Variants in ANXA8 observed in about 807,000 individuals in gnomAD.
ANXA8 encodes the protein annexin A8.
In ANXA8, 9 loss-of-function variants were observed where a neutral mutation model predicts 26.8. The observed-to-expected ratio is 0.34, with a 90% confidence interval of 0.20 to 0.59. The LOEUF (loss-of-function observed/expected upper bound fraction) is 0.59, where lower values mean the gene tolerates loss of function less well. Ranked by LOEUF, ANXA8 falls within the 20% of genes least tolerant of loss-of-function variation. The pLI, the probability that ANXA8 is intolerant of heterozygous loss-of-function variation, is 0.84. For synonymous variants in ANXA8, 39 were observed against 94.8 expected (o/e 0.41, Z 3.42); for missense variants, 83 against 238.5 (o/e 0.35, Z 4.29).
chr10:47,660,701 A>C, the ANXA8 span, among the ~76,000 whole-genome samples: 1 of 151,512 alleles, frequency 6.6e-6, no homozygotes, highest in East Asian at 1.9e-4. Context: ...GAACCTGGCC[A>C]AAAGTGGTAT....
the ANXA8 span, among the ~76,000 whole-genome samples, chr10:47,489,176 C>A: frequency 6.8e-6 from 1 of 146,252 alleles, no homozygotes; most frequent in Non-Finnish European, 1.5e-5. Context: ...CACCACCATG[C>A]CCGGCTAATT....
chr10:47,776,269 A>G, the ANXA8 span, among the ~76,000 whole-genome samples: 1 of 150,228 alleles, frequency 6.7e-6, no homozygotes, highest in Admixed American at 6.6e-5. Context: ...AGACCAAAGC[A>G]GACATCCCCC....
the ANXA8 span, among the ~76,000 whole-genome samples, chr10:47,557,412 C>A: frequency 0.19 from 27,778 of 150,082 alleles, 2,778 homozygotes; most frequent in East Asian, 0.52. Flanking sequence ...TCATTACTTA[C>A]GGGTGGTCAT....
the ANXA8 span, among the ~76,000 whole-genome samples, chr10:47,967,354 G>A: frequency 1.3e-5 from 2 of 150,234 alleles, 1 homozygote; most frequent in African/African-American, 5.0e-5. Context: ...CATAAGAAAT[G>A]GCCTCATTAT....
At chr10:47,768,143 A>G in the ANXA8 span, among the ~76,000 whole-genome samples, 2 of 151,106 alleles carry the variant, frequency 1.3e-5, no homozygotes, top group Non-Finnish European at 2.9e-5. Context: ...CAGCTGTCCT[A>G]AAGTTTTTTG....
chr10:47,666,373 T>A, the ANXA8 span, among the ~76,000 whole-genome samples: 13 of 150,864 alleles, frequency 8.6e-5, no homozygotes, highest in Admixed American at 7.9e-4. Flanking sequence ...GTGTTAATAC[T>A]GACAGCCAGC....
chr10:47,577,151 G>A, the ANXA8 span, among the ~76,000 whole-genome samples: 1 of 149,688 alleles, frequency 6.7e-6, no homozygotes, highest in Non-Finnish European at 1.5e-5. Flanking sequence ...CTTGAGCCTG[G>A]GAGGTGGAAG....
the ANXA8 span, among the ~76,000 whole-genome samples, chr10:47,953,258 GA>G: frequency 6.7e-6 from 1 of 148,290 alleles, no homozygotes; most frequent in Non-Finnish European, 1.5e-5. Flanking sequence ...TCAGTAAGAA[GA>G]AGACAAAACA....
At chr10:47,743,303 T>TATATACATATATATATATACAC in the ANXA8 span, among the ~76,000 whole-genome samples, 1 of 53,946 alleles carries the variant, frequency 1.9e-5, no homozygotes, top group East Asian at 8.2e-4. Context: ...TACACATATA[T>TATATACATATATATATATACAC]ATATATATAC....
At chr10:47,507,639 G>A in the ANXA8 span, 1 of 1,526,486 alleles carries the variant, frequency 6.6e-7, no homozygotes, top group Non-Finnish European at 8.8e-7. Flanking sequence ...TAGGCCTGCA[G>A]ACATTTTTTA....
the ANXA8 span, chr10:47,706,610 T>C: frequency 3.4e-5 from 30 of 885,650 alleles, 4 homozygotes; most frequent in African/African-American, 9.7e-5. Context: ...AAGGGAAAGC[T>C]TTGGCAGAAT....
chr10:47,744,903 A>G, the ANXA8 span, among the ~76,000 whole-genome samples: 1 of 152,002 alleles, frequency 6.6e-6, no homozygotes, highest in South Asian at 2.1e-4. Flanking sequence ...ACTTCTAGCT[A>G]TAAAAATAGG....
chr10:47,593,388 T>C, the ANXA8 span, among the ~76,000 whole-genome samples: 1 of 149,554 alleles, frequency 6.7e-6, no homozygotes, highest in African/African-American at 2.6e-5. Context: ...CTCGCCTCCA[T>C]CTCCCCTCCC....
chr10:47,519,161 T>C, the ANXA8 span, among the ~76,000 whole-genome samples: 1 of 136,974 alleles, frequency 7.3e-6, no homozygotes, highest in African/African-American at 2.9e-5. Context: ...ATTCTCATTA[T>C]GGTAATTTAA....
At chr10:47,735,462 T>C in the ANXA8 span, among the ~76,000 whole-genome samples, 3 of 149,370 alleles carry the variant, frequency 2.0e-5, no homozygotes, top group Admixed American at 6.7e-5. Context: ...CCTTCTGTTA[T>C]TCTACCAACC....
At chr10:47,766,006 A>T in the ANXA8 span, among the ~76,000 whole-genome samples, 10 of 150,772 alleles carry the variant, frequency 6.6e-5, no homozygotes, top group Admixed American at 1.3e-4. Context: ...ACCCTTCATC[A>T]TCCCCTCGTC....
At chr10:47,976,179 C>A in the ANXA8 span, among the ~76,000 whole-genome samples, 1 of 148,690 alleles carries the variant, frequency 6.7e-6, no homozygotes, top group South Asian at 2.2e-4. Context: ...GAAACACTTG[C>A]AGAATGTCAG....
At chr10:47,986,033 A>G in the ANXA8 span, 1 of 151,378 alleles carries the variant, frequency 6.6e-6, no homozygotes, top group Non-Finnish European at 1.5e-5. Context: ...TCTTTTATGA[A>G]TAAAGCTTCT....
the ANXA8 span, among the ~76,000 whole-genome samples, chr10:47,722,473 T>C: frequency 7.2e-6 from 1 of 138,832 alleles, no homozygotes; most frequent in African/African-American, 2.6e-5. Context: ...AGGAAATGTT[T>C]GGGTCTCTCA....
Sources: allele counts gnomAD v4.1 joint callset (sites outside exome capture counted in the v4.1 genomes callset), GRCh38; gene constraint gnomAD v4.1.1; transcripts MANE v1.5; gene names NCBI Gene and HGNC (gene_info 2026-07-23, HGNC 2026-07-21).